The following TSHZ2 variants were observed in gnomAD, a reference collection of about 807,000 sequenced individuals.
The protein encoded by TSHZ2 is teashirt homolog 2.
In TSHZ2, 21 loss-of-function variants were observed where a neutral mutation model predicts 74.4. The ratio of observed to expected loss-of-function variants is 0.28; its 90% CI spans 0.20 to 0.41. The LOEUF (loss-of-function observed/expected upper bound fraction) is 0.41, where lower values mean the gene tolerates loss of function less well. Ranked by LOEUF, TSHZ2 falls within the 10% of genes least tolerant of loss-of-function variation. The probability of loss-of-function intolerance (pLI) is 1.00; values close to 1 mark genes in which losing one functional copy is unlikely to be tolerated. For missense variants in TSHZ2, 1,244 were observed against 1,293.5 expected (o/e 0.96, Z 0.59); for synonymous variants, 540 against 515.3 (o/e 1.05, Z -0.65).
intron 1 of TSHZ2, among the ~76,000 whole-genome samples, chr20:53,057,464 T>C (rs1203108118): frequency 2.0e-5 from 3 of 152,304 alleles, no homozygotes; most frequent in African/African-American, 7.2e-5. Context: ...GTAATAAGCC[T>C]GTTAAAATGC....
chr20:53,397,670 T>G (rs933834541), intron 2 of TSHZ2: 4 of 152,228 alleles, frequency 2.6e-5, no homozygotes, highest in African/African-American at 9.6e-5. Flanking sequence ...TAAAGACATA[T>G]GCACATGTAT....
chr20:53,140,311 C>T (rs1006108695), intron 1 of TSHZ2, among the ~76,000 whole-genome samples: 2 of 151,870 alleles, frequency 1.3e-5, no homozygotes, highest in African/African-American at 2.4e-5. Flanking sequence ...GAGGCTGAGG[C>T]GGGCAGATCA....
chr20:53,284,514 G>A (rs1185027192), intron 2 of TSHZ2, among the ~76,000 whole-genome samples: 1 of 152,166 alleles, frequency 6.6e-6, no homozygotes, highest in Non-Finnish European at 1.5e-5. Context: ...GCCGATTCCC[G>A]ATGTTGATGC....
intron 1 of TSHZ2, among the ~76,000 whole-genome samples, chr20:53,179,914 T>G (rs1240058126): frequency 6.6e-6 from 1 of 152,188 alleles, no homozygotes; most frequent in Admixed American, 6.5e-5. Context: ...TTGTTCTCCT[T>G]TAAAAAAGAT....
chr20:53,291,472 C>CAA (rs11478745), intron 2 of TSHZ2, among the ~76,000 whole-genome samples: 6 of 101,722 alleles, frequency 5.9e-5, no homozygotes, highest in Non-Finnish European at 1.0e-4. Flanking sequence ...GACTCTGTCT[C>CAA]AAAAAAAAAA....
intron 1 of TSHZ2, among the ~76,000 whole-genome samples, chr20:53,237,497 C>CTG (rs1989966746): frequency 7.9e-6 from 1 of 126,318 alleles, no homozygotes; most frequent in African/African-American, 3.7e-5. Context: ...CTCTCTTTCT[C>CTG]TGTGTGAGTG....
chr20:52,988,339 C>T (rs1452278963), intron 1 of TSHZ2, among the ~76,000 whole-genome samples: 2 of 151,914 alleles, frequency 1.3e-5, no homozygotes, highest in Non-Finnish European at 2.9e-5. Context: ...ATACGGAAAC[C>T]TAAGTTTTGG....
intron 1 of TSHZ2, among the ~76,000 whole-genome samples, chr20:53,013,758 T>C (rs1982935298): frequency 7.4e-6 from 1 of 135,854 alleles, no homozygotes; most frequent in Non-Finnish European, 1.8e-5. Context: ...CATAGGCTGA[T>C]TACATTTATT....
At chr20:53,101,103 CCAG>C (rs2123292292) in intron 1 of TSHZ2, among the ~76,000 whole-genome samples, 1 of 152,224 alleles carries the variant, frequency 6.6e-6, no homozygotes, top group Admixed American at 6.5e-5. Flanking sequence ...TTCCTGTAAT[CCAG>C]CAAGGAATGC....
chr20:53,084,094 TAAG>T (rs1273911497), intron 1 of TSHZ2, among the ~76,000 whole-genome samples: 1 of 152,178 alleles, frequency 6.6e-6, no homozygotes, highest in Admixed American at 6.5e-5. Context: ...TCATAAGTAA[TAAG>T]ATCACTTCCA....
At chr20:53,308,343 G>C (rs1002035661) in intron 2 of TSHZ2, among the ~76,000 whole-genome samples, 2 of 152,068 alleles carry the variant, frequency 1.3e-5, no homozygotes, top group Non-Finnish European at 2.9e-5. Context: ...GTTCACACGC[G>C]GTCTGTGCAT....
rs375208040 is a variant in TSHZ2 at position 53,101,866 on chromosome 20, G to C, written c.40+128533G>C. The stretch of plus-strand genomic sequence containing the variant: ...AAGTAGAAGTCACATGTATGAACCA[G>C]ATGTGTAAATATTGATTACTATTTT... On this transcript the variant is annotated intron_variant, in intron 1 of 2. Transcript: ENST00000371497. Among the ~76,000 whole-genome samples, 119 of 152,308 alleles carry C rather than the reference G, an allele frequency of 7.8e-4. 2 individuals are homozygous for C. The South Asian group carries it at 0.023, about 30-fold the overall frequency.
intron 2 of TSHZ2, among the ~76,000 whole-genome samples, chr20:53,277,694 G>C (rs1990975124): frequency 6.6e-6 from 1 of 152,150 alleles, no homozygotes; most frequent in Non-Finnish European, 1.5e-5. Context: ...TTTCCCAAGG[G>C]TACCAAGAAA....
chr20:53,218,158 A>C (rs906960698), intron 1 of TSHZ2, among the ~76,000 whole-genome samples: 1 of 152,182 alleles, frequency 6.6e-6, no homozygotes, highest in Non-Finnish European at 1.5e-5. Flanking sequence ...TTCTGCACTA[A>C]ATTTGTTTTC....
At chr20:53,391,228 G>C (rs560154813) in intron 2 of TSHZ2, among the ~76,000 whole-genome samples, 1 of 152,166 alleles carries the variant, frequency 6.6e-6, no homozygotes, top group Non-Finnish European at 1.5e-5. Context: ...CTCACTGCAA[G>C]CTCCGCCTCC....
Position 53,475,371 on chromosome 20 carries a change from A to T in TSHZ2, c.*9-11773A>T, listed in dbSNP as rs1204205921. ...TAAGAATCTCACTCAAAACCGCTCA[A>T]CTACATGGAAACTGAACAACCTGCT... is the stretch of plus-strand genomic sequence containing the variant. On this transcript the variant is annotated intron_variant, in intron 2 of 2. Transcript: ENST00000371497. Among the ~76,000 whole-genome samples the T allele has an allele frequency of 1.1e-3, 129 of 112,246 alleles. 15 individuals are homozygous for T. The East Asian group carries it at 0.037, about 32-fold the overall frequency. 73.6% of individuals were successfully genotyped at this position (112,246 alleles called of 152,430 possible). A position where few individuals can be genotyped will look rare whatever the true frequency, so the allele number is the denominator to read the frequency against.
At chr20:53,089,318 TTC>T (rs1163890893) in intron 1 of TSHZ2, among the ~76,000 whole-genome samples, 140 of 103,096 alleles carry the variant, frequency 1.4e-3, no homozygotes, top group African/African-American at 5.5e-3. Flanking sequence ...GAATGGGATT[TTC>T]TTTTTTTTTT....
At chr20:53,224,685 A>G (rs1200231570) in intron 1 of TSHZ2, among the ~76,000 whole-genome samples, 2 of 152,048 alleles carry the variant, frequency 1.3e-5, no homozygotes, top group South Asian at 2.1e-4. Flanking sequence ...CCCCGTCTCT[A>G]CTAAAAATAC....
chr20:53,384,893 C>T (rs961538897), intron 2 of TSHZ2, among the ~76,000 whole-genome samples: 1 of 152,126 alleles, frequency 6.6e-6, no homozygotes, highest in Non-Finnish European at 1.5e-5. Flanking sequence ...GAGGCCAAGG[C>T]GGGTGGGTCA....
Sources: gnomAD v4.1 joint callset for allele counts (sites outside exome capture counted in the v4.1 genomes callset) on GRCh38, gnomAD v4.1.1 for gene constraint, MANE v1.5 for transcripts, NCBI Gene and HGNC (gene_info 2026-07-23, HGNC 2026-07-21) for gene names.